RUSC2: variants seen among roughly 807,000 people sequenced by gnomAD.
The protein encoded by RUSC2 is RUN and SH3 domain containing 2, also known as AP-4 complex accessory subunit RUSC2.
Under a neutral mutation model 122.2 loss-of-function variants are expected in RUSC2, and 34 were observed. The observed-to-expected ratio is 0.28, with a 90% CI of 0.21 to 0.37. The LOEUF (loss-of-function observed/expected upper bound fraction) is 0.37. Ranked by LOEUF, RUSC2 falls within the 10% of genes least tolerant of loss-of-function variation. RUSC2 has a pLI of 1.00. For missense variants in RUSC2, 1,747 were observed against 1,952.4 expected (o/e 0.89, Z 1.98); for synonymous variants, 784 against 790.0 (o/e 0.99, Z 0.13).
In RUSC2 at chr9:35,544,807, TG is replaced by T. The variant is rs150391728; in HGVS notation, c.-92-1621del. Among the ~76,000 whole-genome samples the T allele has an allele frequency of 2.9e-3, 442 of 152,324 alleles. 4 individuals are homozygous for T. Among genetic ancestry groups the T allele is most frequent in the Middle Eastern group, 0.017 (5 of 294 alleles). On this transcript the variant is annotated intron_variant, in intron 1 of 11. Transcript: ENST00000361226. ...TTTTTTCTTTTGTCACTTGTGCCTT[TG>T]GTGTCATATCTAAGAAACCATCACC...
intron 1 of RUSC2, among the ~76,000 whole-genome samples, chr9:35,502,672 A>T (rs540597302): frequency 6.6e-6 from 1 of 152,326 alleles, no homozygotes; most frequent in African/African-American, 2.4e-5. Context: ...AAATGAAAAG[A>T]TATCATTGAA....
At chr9:35,534,507 G>T (rs1465531780) in intron 1 of RUSC2, among the ~76,000 whole-genome samples, 3 of 150,634 alleles carry the variant, frequency 2.0e-5, no homozygotes, top group Non-Finnish European at 3.0e-5. Flanking sequence ...TTTGAGACAG[G>T]TTCTCACTCT....
chr9:35,547,820 T>TGGCCCAGACCCAGGCCCC lies in RUSC2; in HGVS notation c.1300_1317dup (p.Gly434_Pro439dup). 6.2e-7 allele frequency: 1 copy of TGGCCCAGACCCAGGCCCC among 1,611,934 alleles called. No homozygotes were observed. The highest frequency in any genetic ancestry group is 8.5e-7 in the Non-Finnish European group (1 of 1,179,178). ...CCAAGATAAGTCCCCCACCAGGCCC[T>TGGCCCAGACCCAGGCCCC]GGCCCAGACCCAGGCCCCAGCCAGC... is the stretch of plus-strand genomic sequence containing the variant. On this transcript the variant is annotated inframe_insertion, in exon 2 of 12. Coordinates refer to ENST00000361226, the MANE Select transcript of RUSC2 (RefSeq NM_014806.5). The surrounding 1 kb of genome is among the most constrained non-coding windows in gnomAD (Gnocchi z 4.6).
Position 35,490,155 on chromosome 9 carries a change from G to C in RUSC2, c.-110G>C, listed in dbSNP as rs1218387540. On this transcript the variant is annotated 5_prime_UTR_variant, in exon 1 of 12. Transcript: ENST00000361226. ...GCCGCCGCCGGCGCGGAAGGACGAG[G>C]CTGAGGCGAGAAACGAGGTAGGAAC... 6.4e-6 allele frequency: 1 copy of C among 156,016 alleles called. No individual in the cohort carries two copies. The highest frequency in any genetic ancestry group is 2.4e-5 in the African/African-American group (1 of 41,470). The allele number at this position is 156,016 out of a possible 1,614,324, so 9.7% of individuals were successfully genotyped here.
intron 9 of RUSC2, among the ~76,000 whole-genome samples, chr9:35,559,507 C>T (rs532603382): frequency 3.9e-5 from 6 of 152,180 alleles, no homozygotes; most frequent in African/African-American, 7.2e-5. Context: ...GGCCGAGGCA[C>T]GTGGGTCACC....
chr9:35,540,202 C>A (rs755067839), intron 1 of RUSC2, among the ~76,000 whole-genome samples: 3 of 151,982 alleles, frequency 2.0e-5, no homozygotes, highest in Non-Finnish European at 4.4e-5. Flanking sequence ...AACCCTGTCT[C>A]TACAAAAAAT....
In RUSC2 at chr9:35,560,817, C is replaced by T; in HGVS notation, c.4177C>T (p.Arg1393Ter). The T allele has an allele frequency of 6.5e-7, 1 of 1,528,396 alleles. No homozygotes were observed. The highest frequency in any genetic ancestry group is 8.8e-7 in the Non-Finnish European group (1 of 1,140,390). The allele number at this position is 1,528,396 out of a possible 1,614,324, so 94.7% of individuals were successfully genotyped here. A position where few individuals can be genotyped will look rare whatever the true frequency, so the allele number is the denominator to read the frequency against. ...GIKWGHLFGSRKAQREARPTN... is the reference protein window; with the variant it reads ...GIKWGHLFGS ...CAAGTGGGGACACCTCTTTGGCTCC[C>T]GAAAAGCCCAGCGGGAGGCCCGGCC... The change falls in exon 10 of 12, where the codon CGA becomes TGA. Residue 1393 changes from arginine to a stop codon, truncating the protein, a stop_gained. Coordinates refer to ENST00000361226, the MANE Select transcript of RUSC2 (RefSeq NM_014806.5). LOFTEE classifies it high-confidence loss of function.
At chr9:35,506,944 CG>C (rs1025130796) in intron 1 of RUSC2, among the ~76,000 whole-genome samples, 3 of 151,986 alleles carry the variant, frequency 2.0e-5, no homozygotes, top group Admixed American at 6.6e-5. Context: ...AGTGAAACCT[CG>C]TCTCTACAAA....
chr9:35,516,702 G>C (rs1821115885), intron 1 of RUSC2, among the ~76,000 whole-genome samples: 2 of 152,186 alleles, frequency 1.3e-5, no homozygotes, highest in Admixed American at 6.5e-5. Flanking sequence ...CCTGTGGAAA[G>C]AGGATCTCTA....
intron 1 of RUSC2, among the ~76,000 whole-genome samples, chr9:35,522,398 G>A (rs771316054): frequency 6.6e-6 from 1 of 152,256 alleles, no homozygotes; most frequent in Non-Finnish European, 1.5e-5. Context: ...GGGAATTGGA[G>A]TGCATGGGGC....
intron 1 of RUSC2, among the ~76,000 whole-genome samples, chr9:35,522,738 A>T (rs1399808813): frequency 6.6e-6 from 1 of 152,176 alleles, no homozygotes; most frequent in Non-Finnish European, 1.5e-5. Flanking sequence ...GTAATAATTT[A>T]TTTTGATTTG....
intron 1 of RUSC2, among the ~76,000 whole-genome samples, chr9:35,519,687 A>G (rs1821175870): frequency 6.6e-6 from 1 of 152,188 alleles, no homozygotes; most frequent in African/African-American, 2.4e-5. Context: ...TTTCTGGGAA[A>G]TTGGGACAGG....
intron 1 of RUSC2, among the ~76,000 whole-genome samples, chr9:35,490,667 G>A (rs985804870): frequency 2.6e-5 from 4 of 152,080 alleles, no homozygotes; most frequent in African/African-American, 4.8e-5. Context: ...CACCCTTTTA[G>A]CCCCTGCCTC....
At chr9:35,490,490 C>A (rs1399274998) in intron 1 of RUSC2, among the ~76,000 whole-genome samples, 5 of 152,104 alleles carry the variant, frequency 3.3e-5, no homozygotes, top group Non-Finnish European at 7.4e-5. Context: ...TCAAACTGCC[C>A]CCTTGGGGAC....
chr9:35,493,479 G>A (rs940673365), intron 1 of RUSC2, among the ~76,000 whole-genome samples: 1 of 152,068 alleles, frequency 6.6e-6, no homozygotes, highest in East Asian at 1.9e-4. Context: ...TTTATAGCCT[G>A]TATCAGAACT....
intron 1 of RUSC2, among the ~76,000 whole-genome samples, chr9:35,495,232 TTATATATGA>T (rs1820683308): frequency 1.0e-5 from 1 of 99,906 alleles, no homozygotes; most frequent in South Asian, 2.9e-4. Context: ...TATATTTATA[TTATATATGA>T]TATATATAAT....
rs1039682582 is a variant in RUSC2, at chr9:35,557,413, G to A, written c.2984-501G>A. ...TTTTGGAGGTAGAGGGAAGTTAAAG[G>A]AGTTTATAACTAGGGAACTCTGTTC... On this transcript the variant is annotated intron_variant, in intron 5 of 11. Transcript: ENST00000361226. The surrounding 1 kb of genome is among the most constrained non-coding windows in gnomAD (Gnocchi z 4.6). Among the ~76,000 whole-genome samples, 1 of 152,134 alleles carries A rather than the reference G, an allele frequency of 6.6e-6. No homozygotes were observed. Among genetic ancestry groups the A allele is most frequent in the African/African-American group, 2.4e-5 (1 of 41,426 alleles).
intron 1 of RUSC2, among the ~76,000 whole-genome samples, chr9:35,510,118 T>A (rs959994447): frequency 2.0e-5 from 3 of 152,198 alleles, no homozygotes; most frequent in African/African-American, 7.2e-5. Flanking sequence ...TAAAAATAGG[T>A]ACTGAATTCC....
In RUSC2 at chr9:35,555,641, C is replaced by A. The variant is rs1402086660; in HGVS notation, c.2596C>A (p.Arg866=). ...GGGCTCCTGGCGATCTGGCCTCAGC[C>A]GAGCAGAGAGCCTGGCCCGGGGAGG... is the stretch of plus-strand genomic sequence containing the variant. ...PLGSWRSGLS[R]AESLARGGGE... The change falls in exon 3 of 12, where the codon CGA becomes AGA. Residue 866 remains arginine, a synonymous_variant. Transcript: ENST00000361226. The surrounding 1 kb of genome is among the most constrained non-coding windows in gnomAD (Gnocchi z 4.6). 3.1e-6 allele frequency: 5 copies of A among 1,610,266 alleles called. No homozygotes were observed. In the South Asian group the frequency reaches 3.3e-5, roughly 11 times the overall value.
Sources: gnomAD v4.1 joint callset for allele counts (sites outside exome capture counted in the v4.1 genomes callset) on GRCh38, gnomAD v4.1.1 for gene constraint, Gnocchi (gnomAD v3.1) non-coding constraint, MANE v1.5 for transcripts, NCBI Gene and HGNC (gene_info 2026-07-23, HGNC 2026-07-21) for gene names.